PIK3AP1: variants seen among roughly 807,000 people sequenced by gnomAD.
PIK3AP1 encodes phosphoinositide 3-kinase adapter protein 1.
In PIK3AP1, 21 loss-of-function variants were observed where a neutral mutation model predicts 88.1. That is an observed-to-expected ratio of 0.24 (90% CI 0.17 to 0.34). The LOEUF (loss-of-function observed/expected upper bound fraction) is 0.34, where lower values mean the gene tolerates loss of function less well. Among genes scored for constraint, PIK3AP1 ranks in the 10% least tolerant of loss-of-function variants. The probability of loss-of-function intolerance (pLI) is 1.00; values close to 1 mark genes in which losing one functional copy is unlikely to be tolerated. For synonymous variants in PIK3AP1, 398 were observed against 400.0 expected (o/e 1.00, Z 0.06); for missense variants, 828 against 1,035.7 (o/e 0.80, Z 2.75).
At chr10:96,702,459 AC>A (rs1844309769) in intron 2 of PIK3AP1, among the ~76,000 whole-genome samples, 1 of 151,444 alleles carries the variant, frequency 6.6e-6, no homozygotes, top group African/African-American at 2.4e-5. Context: ...AGATCACGCC[AC>A]TGCACTCCAG....
intron 2 of PIK3AP1, among the ~76,000 whole-genome samples, chr10:96,707,545 G>A (rs754924280): frequency 6.6e-5 from 10 of 151,948 alleles, no homozygotes; most frequent in East Asian, 1.9e-4. Context: ...CGCCCGCCTC[G>A]GCCTCCCAAA....
chr10:96,635,123 C>T (rs1194820686), intron 8 of PIK3AP1, among the ~76,000 whole-genome samples: 1 of 152,192 alleles, frequency 6.6e-6, no homozygotes, highest in Non-Finnish European at 1.5e-5. Context: ...TGATTAGCAA[C>T]CTTGATTCCA....
intron 3 of PIK3AP1, among the ~76,000 whole-genome samples, chr10:96,655,168 G>C (rs981622864): frequency 1.3e-5 from 2 of 152,202 alleles, no homozygotes; most frequent in Non-Finnish European, 1.5e-5. Context: ...GGGATTACAG[G>C]TGTAAGCCAT....
At chr10:96,686,376 T>TAC (rs1844068255) in intron 2 of PIK3AP1, among the ~76,000 whole-genome samples, 1 of 152,140 alleles carries the variant, frequency 6.6e-6, no homozygotes, top group African/African-American at 2.4e-5. Flanking sequence ...CTACTGGATT[T>TAC]ACACACTCTA....
chr10:96,637,365 T>C (rs1843326618), intron 8 of PIK3AP1, among the ~76,000 whole-genome samples: 1 of 132,918 alleles, frequency 7.5e-6, no homozygotes, highest in African/African-American at 2.8e-5. Context: ...CACTCTGTGA[T>C]AGTTATTTTA....
chr10:96,619,940 T>C (rs2134200542), intron 12 of PIK3AP1, among the ~76,000 whole-genome samples: 1 of 152,358 alleles, frequency 6.6e-6, no homozygotes, highest in East Asian at 1.9e-4. Flanking sequence ...TCATATTTCT[T>C]GGGAGTTTTC....
chr10:96,699,215 TGATA>T (rs943427661), intron 2 of PIK3AP1, among the ~76,000 whole-genome samples: 1 of 152,182 alleles, frequency 6.6e-6, no homozygotes, highest in African/African-American at 2.4e-5. Context: ...AATTATTAAC[TGATA>T]GATGGCTCCT....
At chr10:96,686,633 T>G (rs951802381) in intron 2 of PIK3AP1, among the ~76,000 whole-genome samples, 1 of 152,142 alleles carries the variant, frequency 6.6e-6, no homozygotes, top group Non-Finnish European at 1.5e-5. Context: ...TTCATGATAT[T>G]CACCCAGTCA....
At chr10:96,613,092 A>G (rs1043339724) in intron 13 of PIK3AP1, among the ~76,000 whole-genome samples, 2 of 141,002 alleles carry the variant, frequency 1.4e-5, no homozygotes, top group Admixed American at 7.5e-5. Context: ...TCCGCCTCCC[A>G]GGTTCAAGCG....
In PIK3AP1 at chr10:96,676,279, CTT is replaced by C. The variant is rs1843917775; in HGVS notation, c.431-19347_431-19346del. On this transcript the variant is annotated intron_variant, in intron 2 of 16. Coordinates refer to ENST00000339364, the MANE Select transcript of PIK3AP1 (RefSeq NM_152309.3). ...CATTGTAAGCACCTATCTCAGGACT[CTT>C]TGCTTGTCTTTATCTGTGTGACCTT... Among the ~76,000 whole-genome samples the C allele has an allele frequency of 2.0e-5, 3 of 148,268 alleles. No individual in the cohort carries two copies. The South Asian group carries it at 6.5e-4, about 32-fold the overall frequency.
chr10:96,713,643 T>C (rs1387742037), intron 1 of PIK3AP1, among the ~76,000 whole-genome samples: 2 of 152,096 alleles, frequency 1.3e-5, no homozygotes, highest in African/African-American at 2.4e-5. Flanking sequence ...ACTGATTGAC[T>C]TAGTAGAAAA....
intron 8 of PIK3AP1, chr10:96,633,235 G>A (rs1843270553): frequency 4.5e-6 from 3 of 670,996 alleles, no homozygotes; most frequent in Non-Finnish European, 6.7e-6. Context: ...CCAATCAGGA[G>A]CCATTTTTAT....
At chr10:96,681,996 A>G (rs769398557) in intron 2 of PIK3AP1, among the ~76,000 whole-genome samples, 219 of 37,708 alleles carry the variant, frequency 5.8e-3, no homozygotes, top group South Asian at 8.1e-3. Context: ...ATGTGTGTGT[A>G]TATATATATA....
rs528226639 is a variant in PIK3AP1, at chr10:96,660,395, C to T, written c.431-3461G>A. Among the ~76,000 whole-genome samples the T allele has an allele frequency of 5.3e-5, 8 of 152,234 alleles. No homozygotes were observed. The South Asian group carries it at 1.4e-3, about 28-fold the overall frequency. On this transcript the variant is annotated intron_variant, in intron 2 of 16. Transcript: ENST00000339364. ...AAAGATGGTCCACATCATATGTCAT[C>T]AGGGAAACGCAAATTAAAACAGCCA...
At chr10:96,626,973 CA>C (rs1843163309) in intron 9 of PIK3AP1, 68 bp from the exon 10 acceptor site, 1 of 1,435,316 alleles carries the variant, frequency 7.0e-7, no homozygotes, top group Non-Finnish European at 9.8e-7. Flanking sequence ...AGTCATAAAG[CA>C]GAGTGAGGGA....
chr10:96,664,333 G>A (rs529312712), intron 2 of PIK3AP1, among the ~76,000 whole-genome samples: 2 of 152,240 alleles, frequency 1.3e-5, no homozygotes, highest in Non-Finnish European at 2.9e-5. Context: ...CATTTTAAAA[G>A]GTCAGAAGAA....
At chr10:96,676,614 C>T (rs1386825706) in intron 2 of PIK3AP1, among the ~76,000 whole-genome samples, 1 of 150,614 alleles carries the variant, frequency 6.6e-6, no homozygotes, top group Non-Finnish European at 1.5e-5. Flanking sequence ...ACTCCCTTTT[C>T]CAAGAAGGTC....
At position 96,645,543 on chromosome 10, in the gene PIK3AP1, G is replaced by C; in HGVS notation, c.1305C>G (p.Leu435=). Reference sequence around the variant, plus strand: ...AGAGATCCTCGTCACAGCCGGGGTTGAGCGAGCATTTCATAAGCAGGTCTG... The same window carrying C: ...AGAGATCCTCGTCACAGCCGGGGTTCAGCGAGCATTTCATAAGCAGGTCTG... ...LSTDLLMKCS[L]NPGCDEDLYE... The change falls in exon 8 of 17, where the codon CTC becomes CTG. Residue 435 remains leucine, a synonymous_variant. Coordinates refer to ENST00000339364, the MANE Select transcript of PIK3AP1 (RefSeq NM_152309.3). 1 of 1,614,054 alleles carries C rather than the reference G, an allele frequency of 6.2e-7. No individual in the cohort carries two copies. The highest frequency in any genetic ancestry group is 1.1e-5 in the South Asian group (1 of 91,068).
At chr10:96,692,074 G>A (rs1388504822) in intron 2 of PIK3AP1, among the ~76,000 whole-genome samples, 1 of 152,134 alleles carries the variant, frequency 6.6e-6, no homozygotes, top group East Asian at 1.9e-4. Flanking sequence ...AAGTGATGTT[G>A]GAAAACTGTA....
Sources: allele counts gnomAD v4.1 joint callset (sites outside exome capture counted in the v4.1 genomes callset), GRCh38; gene constraint gnomAD v4.1.1; transcripts MANE v1.5; gene names NCBI Gene and HGNC (gene_info 2026-07-23, HGNC 2026-07-21).